The following SGCZ variants were observed in gnomAD, a reference collection of about 807,000 sequenced individuals.
SGCZ encodes zeta-sarcoglycan.
A neutral mutation model predicts 41.3 loss-of-function variants in SGCZ; 40 were observed. That is an observed-to-expected ratio of 0.97 (90% CI 0.75 to 1.26). SGCZ has a LOEUF of 1.26. SGCZ is among the 50% of genes most tolerant of loss of function. The pLI, the probability that SGCZ is intolerant of heterozygous loss-of-function variation, is 0.00. For synonymous variants in SGCZ, 206 were observed against 137.5 expected, an observed-to-expected ratio of 1.50 and a Z score of -3.49; for missense variants, 552 against 369.8, an observed-to-expected ratio of 1.49 and a Z score of -4.04.
intron 1 of SGCZ, among the ~76,000 whole-genome samples, chr8:14,939,757 C>G (rs1800206991): frequency 6.6e-6 from 1 of 152,054 alleles, no homozygotes; most frequent in South Asian, 2.1e-4. Flanking sequence ...CCGGCGCAAA[C>G]AGTGTTCACT....
intron 5 of SGCZ, among the ~76,000 whole-genome samples, chr8:14,139,159 T>C (rs6982075): frequency 0.91 from 137,281 of 151,630 alleles, 63,631 homozygotes; most frequent in East Asian, 1. Context: ...AAAAAAGACA[T>C]AACATATCAG....
At chr8:15,050,356 G>GA (rs1804468188) in intron 1 of SGCZ, among the ~76,000 whole-genome samples, 1 of 152,136 alleles carries the variant, frequency 6.6e-6, no homozygotes, top group South Asian at 2.1e-4. Flanking sequence ...GTGAAATTGG[G>GA]AAGAGCTAAC....
intron 1 of SGCZ, among the ~76,000 whole-genome samples, chr8:14,735,583 G>C (rs542950706): frequency 1.3e-5 from 2 of 152,180 alleles, no homozygotes; most frequent in African/African-American, 4.8e-5. Flanking sequence ...TACTTTTGAG[G>C]ATTTTGGACT....
intron 1 of SGCZ, among the ~76,000 whole-genome samples, chr8:15,162,981 C>G (rs1030104890): frequency 4.6e-5 from 7 of 152,132 alleles, no homozygotes; most frequent in Non-Finnish European, 7.3e-5. Flanking sequence ...CATAAAATGT[C>G]TTGTGTCTTA....
chr8:14,819,637 G>T (rs923736293), intron 1 of SGCZ, among the ~76,000 whole-genome samples: 5 of 152,052 alleles, frequency 3.3e-5, no homozygotes, highest in Admixed American at 1.3e-4. Context: ...CAGTATGAAG[G>T]ATTAAAAATG....
At chr8:15,171,191 G>C (rs1223648349) in intron 1 of SGCZ, among the ~76,000 whole-genome samples, 2 of 152,120 alleles carry the variant, frequency 1.3e-5, no homozygotes, top group African/African-American at 4.8e-5. Context: ...AAAAGATAAA[G>C]TAGTCTTTGA....
intron 1 of SGCZ, among the ~76,000 whole-genome samples, chr8:14,617,033 G>A (rs944986163): frequency 6.6e-6 from 1 of 151,920 alleles, no homozygotes; most frequent in Non-Finnish European, 1.5e-5. Flanking sequence ...GGGTAATTCA[G>A]ATATTAGGAA....
chr8:14,851,523 G>T (rs1803324727), intron 1 of SGCZ, among the ~76,000 whole-genome samples: 1 of 151,930 alleles, frequency 6.6e-6, no homozygotes, highest in African/African-American at 2.4e-5. Context: ...GACTATCAAA[G>T]ATTTATTCAA....
At chr8:14,584,336 T>C (rs548045992) in intron 1 of SGCZ, among the ~76,000 whole-genome samples, 3 of 152,200 alleles carry the variant, frequency 2.0e-5, no homozygotes, top group African/African-American at 7.2e-5. Flanking sequence ...GTGTGGTAAG[T>C]AGGTTGAGAG....
At chr8:14,143,458 C>T (rs1439043864) in intron 5 of SGCZ, among the ~76,000 whole-genome samples, 3 of 152,074 alleles carry the variant, frequency 2.0e-5, no homozygotes, top group African/African-American at 4.8e-5. Context: ...CTCATAAATG[C>T]AGTCAGTAAA....
intron 2 of SGCZ, among the ~76,000 whole-genome samples, chr8:14,437,691 T>C (rs1800132902): frequency 1.3e-5 from 2 of 151,870 alleles, no homozygotes; most frequent in South Asian, 2.1e-4. Flanking sequence ...GAGACCATCA[T>C]GTTTAGAATT....
intron 2 of SGCZ, among the ~76,000 whole-genome samples, chr8:14,482,046 T>C (rs1801549289): frequency 6.6e-6 from 1 of 152,142 alleles, no homozygotes; most frequent in Admixed American, 6.5e-5. Context: ...AGAAATGCTA[T>C]TGCAGGAGGA....
At chr8:14,831,167 T>C (rs1374939463) in intron 1 of SGCZ, among the ~76,000 whole-genome samples, 1 of 152,178 alleles carries the variant, frequency 6.6e-6, no homozygotes, top group Non-Finnish European at 1.5e-5. Flanking sequence ...TATGGATGAC[T>C]CTGGCTAATA....
At chr8:14,964,191 C>T (rs1198124131) in intron 1 of SGCZ, among the ~76,000 whole-genome samples, 2 of 152,150 alleles carry the variant, frequency 1.3e-5, no homozygotes, top group Non-Finnish European at 2.9e-5. Context: ...ATCACTTCTT[C>T]AAACCTTTTT....
intron 2 of SGCZ, among the ~76,000 whole-genome samples, chr8:14,344,314 T>C (rs1162379690): frequency 6.6e-6 from 1 of 151,792 alleles, no homozygotes; most frequent in Non-Finnish European, 1.5e-5. Flanking sequence ...ATTCAAGAAG[T>C]CTATGAAACT....
At chr8:15,059,278 T>C (rs1262497642) in intron 1 of SGCZ, among the ~76,000 whole-genome samples, 3 of 152,204 alleles carry the variant, frequency 2.0e-5, no homozygotes, top group African/African-American at 7.2e-5. Context: ...GTCTGTTTCT[T>C]AAATAGTTTG....
chr8:14,455,109 T>C lies in SGCZ; in HGVS notation c.234+99623A>G, dbSNP rs150700938. Among the ~76,000 whole-genome samples, 417 of 152,180 alleles carry C rather than the reference T, an allele frequency of 2.7e-3. 5 individuals carry two copies. Among genetic ancestry groups the C allele is most frequent in the African/African-American group, 9.3e-3 (388 of 41,502 alleles). The stretch of plus-strand genomic sequence containing the variant: ...ATAACTTAATAAGAGGGAGAAAATA[T>C]ATGTAACATATACCATGGTTGAAGG... On this transcript the variant is annotated intron_variant, in intron 2 of 7. Transcript: ENST00000382080.
chr8:14,434,565 T>A (rs1185742161), intron 2 of SGCZ, among the ~76,000 whole-genome samples: 1 of 152,186 alleles, frequency 6.6e-6, no homozygotes, highest in Non-Finnish European at 1.5e-5. Context: ...GGCAGTGTGG[T>A]CATTTTCACA....
At chr8:14,726,277 AT>A (rs1810048335) in intron 1 of SGCZ, among the ~76,000 whole-genome samples, 1 of 142,068 alleles carries the variant, frequency 7.0e-6, no homozygotes. Flanking sequence ...AAAAAAAAAA[AT>A]CATACGCGTG....
Sources: allele counts gnomAD v4.1 joint callset (sites outside exome capture counted in the v4.1 genomes callset), GRCh38; gene constraint gnomAD v4.1.1; transcripts MANE v1.5; gene names NCBI Gene and HGNC (gene_info 2026-07-23, HGNC 2026-07-21).